ARSH: variants seen among roughly 807,000 people sequenced by gnomAD.
ARSH encodes arylsulfatase H.
Under a neutral mutation model 28.7 loss-of-function variants are expected in ARSH, and 32 were observed. The observed-to-expected ratio is 1.11, with a 90% CI of 0.84 to 1.50. The LOEUF (loss-of-function observed/expected upper bound fraction) is 1.50, where lower values mean the gene tolerates loss of function less well. Among genes scored for constraint, ARSH ranks in the 40% most tolerant of loss-of-function variants. The pLI is 0.00. For synonymous variants in ARSH, 176 were observed against 177.3 expected, an observed-to-expected ratio of 0.99 and a Z score of 0.06; for missense variants, 440 against 452.4, an observed-to-expected ratio of 0.97 and a Z score of 0.25.
Position 3,006,548 on chromosome X carries a change from C to G in ARSH, c.-65C>G. ...GTTTGTTTGCTTATTTCTAAAAATG[C>G]TTTCAGGAGCTGCTGGCTGTCAGTG... is the stretch of plus-strand genomic sequence containing the variant. On this transcript the variant is annotated 5_prime_UTR_variant, in exon 1 of 9. Coordinates refer to ENST00000381130, the MANE Select transcript of ARSH (RefSeq NM_001011719.2). 3.1e-6 allele frequency: 3 copies of G among 958,806 alleles called. No individual in the cohort carries two copies. The highest frequency in any genetic ancestry group is 4.4e-6 in the Non-Finnish European group (3 of 677,832). The allele number at this position is 958,806 out of a possible 1,213,427, so 79.0% of individuals were successfully genotyped here.
Position 3,015,151 on chromosome X carries a change from T to G in ARSH, c.522T>G (p.Leu174=), listed in dbSNP as rs2089862307. Residue 174 remains leucine, a synonymous_variant, in exon 4 of 9, where the codon CTT becomes CTG. Transcript: ENST00000381130. ...RIKLWISTVA[L]ALVPFLLLIP... ...AACTGTGGATCTCCACGGTAGCCCT[T>G]GCCCTGGTTCCTTTTCTGCTTCTCA... The G allele has an allele frequency of 8.3e-7, 1 of 1,206,038 alleles. No individual in the cohort carries two copies. The highest frequency in any genetic ancestry group is 2.2e-5 in the Admixed American group (1 of 45,201).
At chrX:3,021,881 TTGTGTG>T (rs3032484) in intron 5 of ARSH, among the ~76,000 whole-genome samples, 20 of 94,230 alleles carry the variant, frequency 2.1e-4, no homozygotes, top group African/African-American at 6.3e-4. Flanking sequence ...TCTGGCCAAT[TTGTGTG>T]TGTGTGTGTG....
intron 8 of ARSH, 130 bp from the exon 9 acceptor site, chrX:3,032,888 T>C (rs2089918306): frequency 1.6e-6 from 1 of 619,348 alleles, no homozygotes; most frequent in Non-Finnish European, 2.4e-6. Context: ...ATGCTACTGT[T>C]GCTGTGTAAT....
intron 6 of ARSH, 139 bp from the exon 7 acceptor site, chrX:3,027,174 G>A (rs1476107013): frequency 3.6e-6 from 2 of 551,300 alleles, no homozygotes; most frequent in African/African-American, 2.3e-5. Context: ...TGGCCAGGCT[G>A]GTCTTGAACT....
chrX:3,019,264 CAAAAAA>C (rs146298584), intron 5 of ARSH, among the ~76,000 whole-genome samples: 2 of 69,640 alleles, frequency 2.9e-5, no homozygotes, highest in Admixed American at 1.8e-4. Flanking sequence ...GATTCTGTTT[CAAAAAA>C]AAAAAAAAAA....
intron 5 of ARSH, among the ~76,000 whole-genome samples, chrX:3,020,545 T>C (rs767689974): frequency 0.027 from 2,397 of 87,688 alleles, 102 homozygotes; most frequent in African/African-American, 0.099. Context: ...GCCGAGATTG[T>C]GCCACTGCAC....
chrX:3,031,991 G>A (rs1169461773), intron 8 of ARSH, among the ~76,000 whole-genome samples: 2 of 111,660 alleles, frequency 1.8e-5, no homozygotes, highest in African/African-American at 3.3e-5. Context: ...AACCAAAGGC[G>A]GTAAAGAATC....
At chrX:3,007,635 C>G (rs947829192) in intron 1 of ARSH, among the ~76,000 whole-genome samples, 1 of 109,892 alleles carries the variant, frequency 9.1e-6, no homozygotes, top group Non-Finnish European at 1.9e-5. Context: ...TGTGTCTTCA[C>G]AGGGTCGTCC....
intron 4 of ARSH, among the ~76,000 whole-genome samples, chrX:3,015,936 A>T (rs982393678): frequency 1.8e-5 from 2 of 111,607 alleles, no homozygotes; most frequent in African/African-American, 6.5e-5. Context: ...AGGCAAAAAA[A>T]CAAAAACCAA....
At chrX:3,030,590 A>G (rs753401121) in intron 8 of ARSH, among the ~76,000 whole-genome samples, 116 of 111,864 alleles carry the variant, frequency 1.0e-3, no homozygotes, top group Non-Finnish European at 1.9e-3. Flanking sequence ...GGTGGAAAGC[A>G]AGAGAGAATG....
intron 6 of ARSH, 108 bp from the exon 7 acceptor site, chrX:3,027,205 C>T: frequency 1.2e-6 from 1 of 848,536 alleles, no homozygotes; most frequent in Non-Finnish European, 1.7e-6. Context: ...AGTGATCCGC[C>T]CACCTCGGCC....
intron 8 of ARSH, among the ~76,000 whole-genome samples, chrX:3,031,464 C>T (rs2089913640): frequency 1.8e-5 from 2 of 111,431 alleles, no homozygotes. Flanking sequence ...TTGCCTTAGA[C>T]CTGTAAAGAA....
chrX:3,013,279 A>C, intron 3 of ARSH, 107 bp downstream of exon 3: 1 of 929,187 alleles, frequency 1.1e-6, no homozygotes, highest in Non-Finnish European at 1.5e-6. Flanking sequence ...AGTTTGACCG[A>C]CTTCTCTTTG....
intron 1 of ARSH, among the ~76,000 whole-genome samples, chrX:3,009,078 A>G (rs1260467086): frequency 9.0e-6 from 1 of 111,508 alleles, no homozygotes; most frequent in Non-Finnish European, 1.9e-5. Flanking sequence ...AAATAGGTCA[A>G]TTTTACCGTA....
Position 3,015,020 on chromosome X carries a change from C to T in ARSH, c.391C>T (p.His131Tyr), listed in dbSNP as rs779170312. 4 of 1,211,515 alleles carry T rather than the reference C, an allele frequency of 3.3e-6. No individual in the cohort carries two copies. Among genetic ancestry groups the T allele is most frequent in the South Asian group, 3.5e-5 (2 of 56,924 alleles). Residue 131 changes from histidine to tyrosine, a missense_variant, in exon 4 of 9, where the codon CAC becomes TAC. Transcript: ENST00000381130. ...CGCCTCTCGGAATGATCACTGTTAC[C>T]ACCCGCTCAACCATGGTTTTCACTA... ...SCASRNDHCY[H>Y]PLNHGFHYFY...
At chrX:3,019,290 T>G (rs1431655176) in intron 5 of ARSH, among the ~76,000 whole-genome samples, 2 of 108,524 alleles carry the variant, frequency 1.8e-5, no homozygotes, top group African/African-American at 6.7e-5. Context: ...AAAAAGAATA[T>G]TGTAATTTCA....
chrX:3,015,099 C>T lies in ARSH; in HGVS notation c.470C>T (p.Pro157Leu). ...LLSDCQASKT[P>L]ELHRWLRIKL... The stretch of plus-strand genomic sequence containing the variant: ...AGCGACTGCCAGGCATCCAAGACAC[C>T]AGAACTGCACCGCTGGCTCAGGATC... Residue 157 changes from proline (P) to leucine (L), a missense_variant, in exon 4 of 9, where the codon CCA becomes CTA. Physicochemically the swap from Pro to Leu is moderately conservative, Grantham distance 98. Transcript: ENST00000381130. 1 of 1,210,351 alleles carries T rather than the reference C, an allele frequency of 8.3e-7. No individual in the cohort carries two copies. The highest frequency in any genetic ancestry group is 1.1e-6 in the Non-Finnish European group (1 of 894,827).
rs2089855213 is a variant in ARSH at position 3,013,059 on chromosome X, C to A, written c.227C>A (p.Ala76Asp). Residue 76 changes from alanine to aspartate, a missense_variant, in exon 3 of 9, where the codon GCC becomes GAC. Physicochemically the swap from Ala to Asp is moderately radical, Grantham distance 126. Transcript: ENST00000381130. ...RYPIRSGMVS[A>D]YNLNRAFTWL... is the part of the protein sequence containing the mutation. ...TCTGTGAATTTAGGGATGGTGTCTG[C>A]CTACAACCTGAACCGTGCCTTCACG... is the stretch of plus-strand genomic sequence containing the variant. 8.3e-7 allele frequency: 1 copy of A among 1,207,842 alleles called. No homozygotes were observed. Among genetic ancestry groups the A allele is most frequent in the Admixed American group, 2.2e-5 (1 of 45,427 alleles).
rs760554234 is a variant in ARSH, at chrX:3,016,636, G to T, written c.764+1243G>T. On this transcript the variant is annotated intron_variant, in intron 4 of 8. Transcript: ENST00000381130. The stretch of plus-strand genomic sequence containing the variant: ...TCTGTCACTCAGGCTGGAGTGCAGT[G>T]GTGCAATCATAGTTCACTGAAACCT... Among the ~76,000 whole-genome samples, 83 of 111,200 alleles carry T rather than the reference G, an allele frequency of 7.5e-4. 1 individual carries two copies. The highest frequency in any genetic ancestry group is 9.2e-4 in the Non-Finnish European group (49 of 53,035).
Sources: allele counts gnomAD v4.1 joint callset (sites outside exome capture counted in the v4.1 genomes callset), GRCh38; gene constraint gnomAD v4.1.1; transcripts MANE v1.5; gene names NCBI Gene and HGNC (gene_info 2026-07-23, HGNC 2026-07-21).